The following NLRP1 variants were observed in gnomAD, a reference collection of about 807,000 sequenced individuals.
The protein encoded by NLRP1 is NACHT, LRR and PYD domains-containing protein 1.
Under a neutral mutation model 136.7 loss-of-function variants are expected in NLRP1, and 94 were observed. The observed-to-expected ratio is 0.69, with a 90% CI of 0.58 to 0.82. NLRP1 has a LOEUF of 0.82. NLRP1 is among the 40% of genes least tolerant of loss of function. NLRP1 has a pLI of 0.00. For synonymous variants in NLRP1, 690 were observed against 725.1 expected (o/e 0.95, Z 0.78); for missense variants, 1,575 against 1,802.7 (o/e 0.87, Z 2.29).
chr17:5,574,258 A>G (rs1904765701), intron 3 of NLRP1, among the ~76,000 whole-genome samples: 1 of 152,212 alleles, frequency 6.6e-6, no homozygotes, highest in Admixed American at 6.5e-5. Flanking sequence ...GTTTAGAGAA[A>G]AAAGAGTAAA....
chr17:5,523,543 T>G (rs888423653), intron 12 of NLRP1, among the ~76,000 whole-genome samples: 1 of 152,232 alleles, frequency 6.6e-6, no homozygotes, highest in Non-Finnish European at 1.5e-5. Flanking sequence ...GTATCCCTTT[T>G]CTGCTTAAAT....
At chr17:5,519,139 A>C (rs1413831884) in intron 14 of NLRP1, among the ~76,000 whole-genome samples, 1 of 151,924 alleles carries the variant, frequency 6.6e-6, no homozygotes, top group Non-Finnish European at 1.5e-5. Context: ...AGTAGCTGGG[A>C]CTACAGGCAC....
intron 5 of NLRP1, among the ~76,000 whole-genome samples, chr17:5,543,249 G>A (rs924987153): frequency 2.6e-5 from 4 of 152,250 alleles, no homozygotes; most frequent in Non-Finnish European, 4.4e-5. Flanking sequence ...CAAGTCAGGT[G>A]CAGCTGAAGG....
chr17:5,524,779 G>A (rs192344333), intron 12 of NLRP1, among the ~76,000 whole-genome samples: 61 of 152,300 alleles, frequency 4.0e-4, no homozygotes, highest in Middle Eastern at 3.4e-3. Context: ...ACAGACGCTC[G>A]GTGCCACTTG....
rs202041498 is a variant in NLRP1 at position 5,584,015 on chromosome 17, G to A, written c.-58C>T. On this transcript the variant is annotated 5_prime_UTR_variant, in exon 1 of 17. Coordinates refer to ENST00000572272, the MANE Select transcript of NLRP1 (RefSeq NM_033004.4). ...ATGTTCCCAGGTGGTGAGGGTATCA[G>A]GCAGGCAGAGAACAGTGCTGTCCTT... The A allele has an allele frequency of 4.8e-5, 73 of 1,533,494 alleles. No homozygotes were observed. The South Asian group carries it at 8.4e-4, about 18-fold the overall frequency. The allele number at this position is 1,533,494 out of a possible 1,614,324, so 95.0% of individuals were successfully genotyped here. A position where few individuals can be genotyped will look rare whatever the true frequency, so the allele number is the denominator to read the frequency against.
chr17:5,581,256 T>G (rs1346698116), intron 3 of NLRP1, among the ~76,000 whole-genome samples: 1 of 152,234 alleles, frequency 6.6e-6, no homozygotes, highest in Admixed American at 6.5e-5. Context: ...ATGAGGGCAC[T>G]CCCTGTGTAA....
At position 5,541,413 on chromosome 17, in the gene NLRP1, G is replaced by A. The variant is rs1406319223; in HGVS notation, c.2699+444C>T. Among the ~76,000 whole-genome samples, 6 of 152,322 alleles carry A rather than the reference G, an allele frequency of 3.9e-5. No individual in the cohort carries two copies. Among genetic ancestry groups the A allele is most frequent in the African/African-American group, 2.4e-5 (1 of 41,572 alleles). ...ATGAGATAGTAAATCGAACTAAGTG[G>A]ACACCAGTGATTTCAGCTCTCCATG... On this transcript the variant is annotated intron_variant, in intron 6 of 16. Coordinates refer to ENST00000572272, the MANE Select transcript of NLRP1 (RefSeq NM_033004.4). The surrounding 1 kb of genome is among the most constrained non-coding windows in gnomAD (Gnocchi z 4.2).
At chr17:5,564,380 C>CCTT (rs1915092834) in intron 3 of NLRP1, among the ~76,000 whole-genome samples, 1 of 152,174 alleles carries the variant, frequency 6.6e-6, no homozygotes, top group African/African-American at 2.4e-5. Context: ...TGGTAACCAT[C>CCTT]CTTCTGCTCT....
rs1362172236 is a variant in NLRP1 at position 5,559,528 on chromosome 17, C to T, written c.1168G>A (p.Ala390Thr). 6.2e-7 allele frequency: 1 copy of T among 1,614,168 alleles called. No homozygotes were observed. The highest frequency in any genetic ancestry group is 8.5e-7 in the Non-Finnish European group (1 of 1,179,984). Residue 390 changes from alanine to threonine, a missense_variant, in exon 4 of 17, where the codon GCC (alanine) becomes ACC (threonine). Coordinates refer to ENST00000572272, the MANE Select transcript of NLRP1 (RefSeq NM_033004.4). ...LAELIGKDGT[A>T]TPAPIRQILS... ...ATCTGTCTAATGGGAGCCGGAGTGG[C>T]TGTCCCATCTTTTCCGATGAGCTCA...
In NLRP1 at chr17:5,567,395, C is replaced by G. The variant is rs546316506; in HGVS notation, c.653-7352G>C. On this transcript the variant is annotated intron_variant, in intron 3 of 16. Coordinates refer to ENST00000572272, the MANE Select transcript of NLRP1 (RefSeq NM_033004.4). The stretch of plus-strand genomic sequence containing the variant: ...CCATCTTATAATCTATTATTTTAAT[C>G]TGATAACAACACTATTTGGATAAAC... Among the ~76,000 whole-genome samples the G allele has an allele frequency of 2.0e-5, 3 of 152,072 alleles. No homozygotes were observed. The East Asian group carries it at 5.8e-4, about 29-fold the overall frequency.
At chr17:5,539,813 T>C (rs756307042) in intron 6 of NLRP1, 4 of 240,332 alleles carry the variant, frequency 1.7e-5, no homozygotes, top group Non-Finnish European at 2.7e-5. Flanking sequence ...CTCAATCCTG[T>C]GTGATTCACA....
At chr17:5,555,017 TCA>T (rs55705436) in intron 4 of NLRP1, among the ~76,000 whole-genome samples, 27,752 of 142,262 alleles carry the variant, frequency 0.2, 3,295 homozygotes, top group African/African-American at 0.36. Context: ...TGAGATCCCA[TCA>T]CACACACACA....
rs1263580003 is a variant in NLRP1 at position 5,559,795 on chromosome 17, G to T, written c.901C>A (p.Pro301Thr). Reference protein sequence around the residue: ...SQDPLVKRSWPDYVEENRGHL... With the variant: ...SQDPLVKRSWTDYVEENRGHL... ...CCTCGATTCTCCTCCACATAATCAG[G>T]CCAGCTTCTCTTGACCAGGGGATCT... Residue 301 changes from proline to threonine, a missense_variant, in exon 4 of 17, where the codon CCT becomes ACT. By Grantham distance (38) the Pro-to-Thr change is conservative. Coordinates refer to ENST00000572272, the MANE Select transcript of NLRP1 (RefSeq NM_033004.4). The T allele has an allele frequency of 1.9e-6, 3 of 1,614,110 alleles. No individual in the cohort carries two copies. The African/African-American group carries it at 4.0e-5, about 22-fold the overall frequency.
At chr17:5,580,128 G>A (rs1567673596) in intron 3 of NLRP1, among the ~76,000 whole-genome samples, 3 of 151,974 alleles carry the variant, frequency 2.0e-5, no homozygotes, top group African/African-American at 7.3e-5. Context: ...CCAGCGACTC[G>A]GGAGGCTGAG....
rs200051740 is a variant in NLRP1 at position 5,558,716 on chromosome 17, A to T, written c.1980T>A (p.Tyr660Ter). Reference sequence around the variant, plus strand: ...ATGCCCCAAACAGGCCATGTATTCCATATGCTTCTAGCGTCTTTTCCAAAT... The same window carrying T: ...ATGCCCCAAACAGGCCATGTATTCCTTATGCTTCTAGCGTCTTTTCCAAAT... ...IIDLEKTLEA[Y>*]GIHGLFGAST... The change falls in exon 4 of 17, where the codon TAT becomes TAA. Residue 660 changes from tyrosine (Y) to a stop codon, truncating the protein, a stop_gained. Coordinates refer to ENST00000572272, the MANE Select transcript of NLRP1 (RefSeq NM_033004.4). LOFTEE classifies it high-confidence loss of function. 6.2e-7 allele frequency: 1 copy of T among 1,614,200 alleles called. No homozygotes were observed.
rs893197424 is a variant in NLRP1 at position 5,553,383 on chromosome 17, C to A, written c.2528+3G>T. ...TTCAGAACAGAACCCAGGCCAGACT[C>A]ACCGCAGGGTCTCCAGGAGGCAGCG... On this transcript the variant is annotated splice_donor_region_variant and intron_variant, in intron 5 of 16. Transcript: ENST00000572272. The A allele has an allele frequency of 6.2e-7, 1 of 1,610,150 alleles. No individual in the cohort carries two copies. The highest frequency in any genetic ancestry group is 8.5e-7 in the Non-Finnish European group (1 of 1,177,714).
At chr17:5,513,683 T>G (rs572141905), downstream of NLRP1, among the ~76,000 whole-genome samples, 1 of 152,212 alleles carries the variant, frequency 6.6e-6, no homozygotes, top group South Asian at 2.1e-4. Context: ...AGAAGATAGA[T>G]CTCTGTCCTT....
At chr17:5,513,449 T>A (rs1039281741), downstream of NLRP1, among the ~76,000 whole-genome samples, 1 of 152,236 alleles carries the variant, frequency 6.6e-6, no homozygotes, top group African/African-American at 2.4e-5. Flanking sequence ...TAGGTGCTAT[T>A]TGATTTTAAA....
chr17:5,553,714 C>CT (rs1913672586), intron 4 of NLRP1, among the ~76,000 whole-genome samples, 158 bp from the exon 5 acceptor site: 1 of 98,348 alleles, frequency 1.0e-5, no homozygotes, highest in African/African-American at 3.3e-5. Flanking sequence ...TGCCTGTCTG[C>CT]CCGTCACCCA....
Sources: allele counts gnomAD v4.1 joint callset (sites outside exome capture counted in the v4.1 genomes callset), GRCh38; gene constraint gnomAD v4.1.1; non-coding constraint Gnocchi (gnomAD v3.1); transcripts MANE v1.5; gene names NCBI Gene and HGNC (gene_info 2026-07-23, HGNC 2026-07-21).